Variants in POU2AF1 observed in about 807,000 individuals in gnomAD.
POU2AF1 encodes the protein POU domain class 2-associating factor 1.
Under a neutral mutation model 26.3 loss-of-function variants are expected in POU2AF1, and 12 were observed. That is an observed-to-expected ratio of 0.46 (90% CI 0.29 to 0.74). The LOEUF (loss-of-function observed/expected upper bound fraction) is 0.74. Among genes scored for constraint, POU2AF1 ranks in the 30% least tolerant of loss-of-function variants. The pLI, the probability that POU2AF1 is intolerant of heterozygous loss-of-function variation, is 0.09. For synonymous variants in POU2AF1, 175 were observed against 148.0 expected (o/e 1.18, Z -1.32); for missense variants, 297 against 334.5 (o/e 0.89, Z 0.87).
At chr11:111,365,445 T>A (rs1040563423) in intron 1 of POU2AF1, among the ~76,000 whole-genome samples, 11 of 152,150 alleles carry the variant, frequency 7.2e-5, no homozygotes, top group African/African-American at 1.2e-4. Context: ...GAAGGACATG[T>A]GACACACCGT....
chr11:111,361,623 G>T (rs1815948), intron 1 of POU2AF1, among the ~76,000 whole-genome samples: 2 of 152,076 alleles, frequency 1.3e-5, no homozygotes, highest in African/African-American at 4.8e-5. Context: ...CTTTCGGGGG[G>T]ATATTATCAT....
chr11:111,379,075 A>C, intron 1 of POU2AF1, 87 bp downstream of exon 1: 2 of 1,465,662 alleles, frequency 1.4e-6, no homozygotes, highest in Non-Finnish European at 1.8e-6. Flanking sequence ...CACCTCCACC[A>C]CCAGCTCCCC....
chr11:111,361,953 A>G (rs1469140689), intron 1 of POU2AF1, among the ~76,000 whole-genome samples: 2 of 152,090 alleles, frequency 1.3e-5, no homozygotes, highest in Non-Finnish European at 2.9e-5. Flanking sequence ...TCCTTCAGCT[A>G]TTTCTAAATG....
intron 1 of POU2AF1, among the ~76,000 whole-genome samples, chr11:111,367,285 A>G (rs1861123574): frequency 6.6e-6 from 1 of 152,158 alleles, no homozygotes; most frequent in African/African-American, 2.4e-5. Context: ...AATGGGTGGT[A>G]AAGGTCCATG....
chr11:111,358,336 TCTC>T (rs1860899044), intron 2 of POU2AF1, among the ~76,000 whole-genome samples: 3 of 115,186 alleles, frequency 2.6e-5, no homozygotes, highest in African/African-American at 9.8e-5. Context: ...TCTCACACAC[TCTC>T]ACACTCTCAC....
chr11:111,358,751 C>G, intron 2 of POU2AF1, 37 bp downstream of exon 2: 4 of 1,543,658 alleles, frequency 2.6e-6, no homozygotes, highest in Non-Finnish European at 3.5e-6. Context: ...CTCTTTCACA[C>G]ACACACACTC....
rs538116516 is a variant in POU2AF1, at chr11:111,358,709, T to C, written c.147+79A>G. 292 of 1,463,954 alleles carry C rather than the reference T, an allele frequency of 2.0e-4. 1 individual carries two copies. The highest frequency in any genetic ancestry group is 1.8e-3 in the African/African-American group (120 of 65,080). The allele number at this position is 1,463,954 out of a possible 1,614,324, so 90.7% of individuals were successfully genotyped here. A position where few individuals can be genotyped will look rare whatever the true frequency, so the allele number is the denominator to read the frequency against. Reference sequence around the variant, plus strand: ...ACGCATACACATACTCACACACACATACACTCTCACACTATCCCTGACACA... The same window carrying C: ...ACGCATACACATACTCACACACACACACACTCTCACACTATCCCTGACACA... On this transcript the variant is annotated intron_variant, in intron 2 of 4. Coordinates refer to ENST00000393067, the MANE Select transcript of POU2AF1 (RefSeq NM_006235.3).
chr11:111,357,399 G>C, intron 4 of POU2AF1, 46 bp downstream of exon 4: 1 of 1,609,136 alleles, frequency 6.2e-7, no homozygotes, highest in African/African-American at 1.3e-5. Flanking sequence ...TTATAAAAGG[G>C]TGCACTCAGC....
At chr11:111,355,489 C>T (rs563213057) in intron 4 of POU2AF1, among the ~76,000 whole-genome samples, 1 of 152,268 alleles carries the variant, frequency 6.6e-6, no homozygotes, top group East Asian at 1.9e-4. Flanking sequence ...CCAAAATCTC[C>T]CCCTACCATC....
intron 1 of POU2AF1, among the ~76,000 whole-genome samples, chr11:111,376,579 T>C (rs545401225): frequency 6.6e-6 from 1 of 152,342 alleles, no homozygotes; most frequent in African/African-American, 2.4e-5. Context: ...GGTTCACATT[T>C]AGTCCACAAA....
At chr11:111,378,568 A>G (rs1176666534) in intron 1 of POU2AF1, among the ~76,000 whole-genome samples, 3 of 152,200 alleles carry the variant, frequency 2.0e-5, no homozygotes, top group Non-Finnish European at 4.4e-5. Context: ...AGTGGGATGG[A>G]CAAGCCTTGT....
chr11:111,355,795 G>C (rs1860833869), intron 4 of POU2AF1, among the ~76,000 whole-genome samples: 1 of 152,140 alleles, frequency 6.6e-6, no homozygotes, highest in African/African-American at 2.4e-5. Context: ...TGAAATCCGG[G>C]CTGAGGTGTA....
chr11:111,365,372 TA>T (rs1222901746), intron 1 of POU2AF1, among the ~76,000 whole-genome samples: 12 of 152,272 alleles, frequency 7.9e-5, no homozygotes, highest in African/African-American at 2.4e-4. Context: ...GGAACTTACC[TA>T]AACAACAGGT....
intron 1 of POU2AF1, among the ~76,000 whole-genome samples, chr11:111,368,906 T>C (rs949469446): frequency 2.0e-5 from 3 of 152,248 alleles, no homozygotes; most frequent in Admixed American, 6.5e-5. Flanking sequence ...TTCTCCTTGA[T>C]CTCAGCCAAC....
In POU2AF1 at chr11:111,379,142, G is replaced by A; in HGVS notation, c.16+20C>T. ...CGCTGGCACTCGCTTGGGTCTGACA[G>A]CCACAGCCAAACCACTTACGTTTTT... On this transcript the variant is annotated intron_variant, in intron 1 of 4. Transcript: ENST00000393067. 6.2e-7 allele frequency: 1 copy of A among 1,614,034 alleles called. No individual in the cohort carries two copies. Among genetic ancestry groups the A allele is most frequent in the Non-Finnish European group, 8.5e-7 (1 of 1,179,974 alleles).
chr11:111,374,176 G>A (rs1861265713), intron 1 of POU2AF1, among the ~76,000 whole-genome samples: 1 of 138,414 alleles, frequency 7.2e-6, no homozygotes. Context: ...TGTGAATTGG[G>A]AGAGAGCTTT....
Position 111,354,236 on chromosome 11 carries a change from A to G in POU2AF1, c.*25T>C. 6.2e-7 allele frequency: 1 copy of G among 1,610,146 alleles called. No individual in the cohort carries two copies. Among genetic ancestry groups the G allele is most frequent in the Non-Finnish European group, 8.5e-7 (1 of 1,178,610 alleles). ...TCATTTTAAAATCCCAGTTTCAGGG[A>G]ACAGGACTCAGGTGGGAGCCACGCC... is the stretch of plus-strand genomic sequence containing the variant. On this transcript the variant is annotated 3_prime_UTR_variant, in exon 5 of 5. Coordinates refer to ENST00000393067, the MANE Select transcript of POU2AF1 (RefSeq NM_006235.3).
At chr11:111,358,600 ACT>A (rs139393512) in intron 2 of POU2AF1, among the ~76,000 whole-genome samples, 186 bp downstream of exon 2, 76,818 of 149,006 alleles carry the variant, frequency 0.52, 21,101 homozygotes, top group Admixed American at 0.63. Context: ...ACACACATAC[ACT>A]CTCACACACT....
chr11:111,352,487 C>G lies in POU2AF1; in HGVS notation c.*1774G>C, dbSNP rs531237435. The G allele has an allele frequency of 2.5e-4, 46 of 185,100 alleles. 1 individual carries two copies. The South Asian group carries it at 8.2e-3, about 33-fold the overall frequency. 11.5% of individuals were successfully genotyped at this position (185,100 alleles called of 1,614,324 possible). A position where few individuals can be genotyped will look rare whatever the true frequency, so the allele number is the denominator to read the frequency against. On this transcript the variant is annotated 3_prime_UTR_variant, in exon 5 of 5. Coordinates refer to ENST00000393067, the MANE Select transcript of POU2AF1 (RefSeq NM_006235.3). Reference sequence around the variant, plus strand: ...TGCTAACAACTCAGTCTCCTACAAACCTGATGTTTCTCCAGCAAAACAAAT... The same window carrying G: ...TGCTAACAACTCAGTCTCCTACAAAGCTGATGTTTCTCCAGCAAAACAAAT...
Sources: gnomAD v4.1 joint callset for allele counts (sites outside exome capture counted in the v4.1 genomes callset) on GRCh38, gnomAD v4.1.1 for gene constraint, MANE v1.5 for transcripts, NCBI Gene and HGNC (gene_info 2026-07-23, HGNC 2026-07-21) for gene names.